MTA2: variants seen among roughly 807,000 people sequenced by gnomAD.
The protein encoded by MTA2 is metastasis associated 1 family member 2, also known as metastasis-associated protein MTA2.
MTA2 carries 22 observed loss-of-function variants against 87.1 expected under a neutral mutation model. That is an observed-to-expected ratio of 0.25 (90% CI 0.18 to 0.36). The LOEUF is 0.36. MTA2 is among the 10% of genes least tolerant of loss of function. MTA2 has a pLI of 1.00. For synonymous variants in MTA2, 314 were observed against 310.1 expected (o/e 1.01, Z -0.13); for missense variants, 542 against 853.2 (o/e 0.64, Z 4.54).
intron 2 of MTA2, 139 bp downstream of exon 2, chr11:62,600,483 G>C (rs1013719949): frequency 6.6e-6 from 6 of 905,214 alleles, no homozygotes; most frequent in Non-Finnish European, 1.0e-5. Flanking sequence ...CCTCTCAATA[G>C]CCTTTCCTGA....
chr11:62,597,954 G>C (rs112991644), intron 6 of MTA2, 70 bp downstream of exon 6: 17 of 1,358,262 alleles, frequency 1.3e-5, no homozygotes, highest in Non-Finnish European at 1.7e-5. Flanking sequence ...CATTCACAGA[G>C]ACTATAATGT....
rs751390598 is a variant in MTA2 at position 62,596,829 on chromosome 11, T to C, written c.694-4A>G. On this transcript the variant is annotated splice_region_variant and splice_polypyrimidine_tract_variant and intron_variant, in intron 8 of 17. Coordinates refer to ENST00000278823, the MANE Select transcript of MTA2 (RefSeq NM_004739.4). The stretch of plus-strand genomic sequence containing the variant: ...GCAAGGTATCCATGGCGTGAAACTA[T>C]GGGGAAGATGGAGAGCAACTGAGGA... 6.3e-7 allele frequency: 1 copy of C among 1,591,728 alleles called. No homozygotes were observed. The highest frequency in any genetic ancestry group is 8.5e-7 in the Non-Finnish European group (1 of 1,169,704).
rs774919067 is a variant in MTA2 at position 62,595,159 on chromosome 11, T to A, written c.1484-89A>T. 27 of 1,545,346 alleles carry A rather than the reference T, an allele frequency of 1.7e-5. No individual in the cohort carries two copies. Among genetic ancestry groups the A allele is most frequent in the Non-Finnish European group, 2.4e-5 (27 of 1,126,010 alleles). ...GCCAACTCTAATCTTAAAAAAATTA[T>A]CTGTGGCCTACTATCCCTCCTGTTA... On this transcript the variant is annotated intron_variant, in intron 14 of 17. Transcript: ENST00000278823. This position sits in a 1 kb window ranked among gnomAD's most constrained non-coding sequence, Gnocchi z 4.9.
chr11:62,596,410 G>A lies in MTA2; in HGVS notation c.957+48C>T, dbSNP rs369957788. 150 of 1,612,778 alleles carry A rather than the reference G, an allele frequency of 9.3e-5. 1 individual carries two copies. The South Asian group carries it at 1.5e-3, about 16-fold the overall frequency. ...GAGAATGTCATCAACTTCAAAGGCAGAGGTCAGCAGGTAGCCTATGGTCCA... is the reference window on the plus strand; with the variant it reads ...GAGAATGTCATCAACTTCAAAGGCAAAGGTCAGCAGGTAGCCTATGGTCCA... On this transcript the variant is annotated intron_variant, in intron 10 of 17. Coordinates refer to ENST00000278823, the MANE Select transcript of MTA2 (RefSeq NM_004739.4).
Position 62,595,304 on chromosome 11 carries a change from C to T in MTA2, c.1443G>A (p.Arg481=). 1 of 1,614,248 alleles carries T rather than the reference C, an allele frequency of 6.2e-7. No individual in the cohort carries two copies. The highest frequency in any genetic ancestry group is 8.5e-7 in the Non-Finnish European group (1 of 1,180,044). ...DLLQPRRAAR[R]PYAPINANAI... ...CATTGGCATTGATAGGAGCATAAGG[C>T]CGTCGGGCGGCCCTCCTTGGCTGTA... Residue 481 remains arginine (R), a synonymous_variant, in exon 14 of 18, where the codon CGG becomes CGA. Transcript: ENST00000278823. This position sits in a 1 kb window ranked among gnomAD's most constrained non-coding sequence, Gnocchi z 4.9.
chr11:62,598,408 G>A lies in MTA2; in HGVS notation c.309-18C>T, dbSNP rs750252117. 2 of 1,613,476 alleles carry A rather than the reference G, an allele frequency of 1.2e-6. No homozygotes were observed. The highest frequency in any genetic ancestry group is 1.7e-6 in the Non-Finnish European group (2 of 1,179,608). ...ATTTCCCCCTATAGGAGAGAGATTG[G>A]AAAACCCCGGTGAGCCCCACTCTCC... is the stretch of plus-strand genomic sequence containing the variant. On this transcript the variant is annotated intron_variant, in intron 4 of 17. Transcript: ENST00000278823.
chr11:62,595,410 A>C lies in MTA2; in HGVS notation c.1337T>G (p.Leu446Arg). 6.2e-7 allele frequency: 1 copy of C among 1,614,240 alleles called. No individual in the cohort carries two copies. The highest frequency in any genetic ancestry group is 1.1e-5 in the South Asian group (1 of 91,090). ...GAAAGTTTGTCTGTTCTTAGCCAGT[A>C]GCTTGGCCCTGTTGGCGCTGGTTGT... ...PYTTSANRAK[L>R]LAKNRQTFLL... The change falls in exon 14 of 18, where the codon CTA becomes CGA. Residue 446 changes from leucine to arginine, a missense_variant. Coordinates refer to ENST00000278823, the MANE Select transcript of MTA2 (RefSeq NM_004739.4). The surrounding 1 kb of genome is among the most constrained non-coding windows in gnomAD (Gnocchi z 4.9).
chr11:62,594,824 G>C (rs561986617), intron 15 of MTA2, among the ~76,000 whole-genome samples, 157 bp downstream of exon 15: 10 of 152,168 alleles, frequency 6.6e-5, no homozygotes, highest in African/African-American at 2.4e-4. Flanking sequence ...CAGTAATACT[G>C]AATAGTTTAC....
At position 62,601,589 on chromosome 11, in the gene MTA2, C is replaced by A; in HGVS notation, c.-139G>T. On this transcript the variant is annotated 5_prime_UTR_variant, in exon 1 of 18. Transcript: ENST00000278823. The stretch of plus-strand genomic sequence containing the variant: ...ACTGGGGCCCGCGCAGCCGGCACCT[C>A]CGCTGCCTCAGCCGTCGCGGTTCAT... The A allele has an allele frequency of 1.0e-6, 1 of 990,682 alleles. No homozygotes were observed. The highest frequency in any genetic ancestry group is 3.1e-5 in the Admixed American group (1 of 32,596). 61.4% of individuals were successfully genotyped at this position (990,682 alleles called of 1,614,324 possible).
In MTA2 at chr11:62,595,671, G is replaced by C; in HGVS notation, c.1254+81C>G. On this transcript the variant is annotated intron_variant, in intron 13 of 17. Coordinates refer to ENST00000278823, the MANE Select transcript of MTA2 (RefSeq NM_004739.4). The surrounding 1 kb of genome is among the most constrained non-coding windows in gnomAD (Gnocchi z 4.9). Reference sequence around the variant, plus strand: ...CCATCAAACCATCACCATATAAAGAGTTGAATATTCTGGCCTTCACCTAAG... The same window carrying C: ...CCATCAAACCATCACCATATAAAGACTTGAATATTCTGGCCTTCACCTAAG... The C allele has an allele frequency of 6.3e-7, 1 of 1,578,152 alleles. No individual in the cohort carries two copies.
At position 62,601,810 on chromosome 11, in the gene MTA2, TCAGGGTTCGCCTCC is replaced by T; in HGVS notation, c.-374_-361del. On this transcript the variant is annotated 5_prime_UTR_variant, in exon 1 of 18. Coordinates refer to ENST00000278823, the MANE Select transcript of MTA2 (RefSeq NM_004739.4). ...GCAGGGAAGGCTTGCCGGGCCCGCCTCAGGGTTCGCCTCCTTCCGGAACACCTTCGGCCGATCCG... is the reference window on the plus strand; with the variant it reads ...GCAGGGAAGGCTTGCCGGGCCCGCCTTTCCGGAACACCTTCGGCCGATCCG... 2.0e-6 allele frequency: 1 copy of T among 500,770 alleles called. No homozygotes were observed. Among genetic ancestry groups the T allele is most frequent in the Non-Finnish European group, 3.5e-6 (1 of 287,728 alleles). 31.0% of individuals were successfully genotyped at this position (500,770 alleles called of 1,614,324 possible).
chr11:62,596,187 C>T (rs1942095873), intron 11 of MTA2, 80 bp from the exon 12 acceptor site: 3 of 1,594,154 alleles, frequency 1.9e-6, no homozygotes, highest in Admixed American at 1.7e-5. Context: ...TCAGTGTGCC[C>T]CTACCTCCTG....
intron 3 of MTA2, among the ~76,000 whole-genome samples, chr11:62,599,933 C>T (rs537121241): frequency 1.6e-4 from 25 of 152,306 alleles, no homozygotes; most frequent in African/African-American, 5.8e-4. Flanking sequence ...TAAATGTTAT[C>T]ATCTCTCTCT....
Position 62,595,281 on chromosome 11 carries a change from T to C in MTA2, c.1466A>G (p.Asn489Ser), listed in dbSNP as rs369556655. 84 of 1,614,080 alleles carry C rather than the reference T, an allele frequency of 5.2e-5. No individual in the cohort carries two copies. Among genetic ancestry groups the C allele is most frequent in the Middle Eastern group, 4.9e-4 (3 of 6,084 alleles). ...ARRPYAPINA[N>S]AIKAECSIRL... ...GCCCTTACACTCTGCTTTGATGGCA[T>C]TGGCATTGATAGGAGCATAAGGCCG... Residue 489 changes from asparagine (N) to serine (S), a missense_variant, in exon 14 of 18, where the codon AAT becomes AGT. Asn to Ser is a conservative substitution (Grantham distance 46). Coordinates refer to ENST00000278823, the MANE Select transcript of MTA2 (RefSeq NM_004739.4). This position sits in a 1 kb window ranked among gnomAD's most constrained non-coding sequence, Gnocchi z 4.9.
intron 8 of MTA2, 52 bp from the exon 9 acceptor site, chr11:62,596,877 C>T: frequency 6.5e-7 from 1 of 1,539,460 alleles, no homozygotes; most frequent in Non-Finnish European, 8.8e-7. Context: ...GGCACCACTC[C>T]CTTCCTGCTC....
Position 62,593,350 on chromosome 11 carries a change from G to A in MTA2, c.*525C>T, listed in dbSNP as rs1268370804. ...GGGAGGGGAGGGAAGGAAAGAGCGA[G>A]CGTGGCCTGGGGTTGATGCCAGCTT... On this transcript the variant is annotated 3_prime_UTR_variant, in exon 18 of 18. Transcript: ENST00000278823. 1.3e-5 allele frequency: 2 copies of A among 151,282 alleles called. No homozygotes were observed. Among genetic ancestry groups the A allele is most frequent in the South Asian group, 2.1e-4 (1 of 4,814 alleles). 9.4% of individuals were successfully genotyped at this position (151,282 alleles called of 1,614,324 possible). A position where few individuals can be genotyped will look rare whatever the true frequency, so the allele number is the denominator to read the frequency against.
Position 62,595,385 on chromosome 11 carries a change from G to A in MTA2, c.1362C>T (p.Phe454=), listed in dbSNP as rs752466296. 1.9e-6 allele frequency: 3 copies of A among 1,614,088 alleles called. No individual in the cohort carries two copies. Among genetic ancestry groups the A allele is most frequent in the African/African-American group, 2.7e-5 (2 of 74,918 alleles). Residue 454 remains phenylalanine (F), a synonymous_variant, in exon 14 of 18, where the codon TTC becomes TTT. Coordinates refer to ENST00000278823, the MANE Select transcript of MTA2 (RefSeq NM_004739.4). The surrounding 1 kb of genome is among the most constrained non-coding windows in gnomAD (Gnocchi z 4.9). The part of the protein sequence containing the change: ...AKLLAKNRQT[F]LLQTTKLTRL... ...GGGTCAGCTTTGTGGTCTGAAGCAG[G>A]AAAGTTTGTCTGTTCTTAGCCAGTA... is the stretch of plus-strand genomic sequence containing the variant.
Position 62,594,637 on chromosome 11 carries a change from G to A in MTA2, c.1574-3C>T. ...TGGTTTCAGGGGTGCCTGGGCCACT[G>A]GAAAAAAACAGAAAACTTTCGCACC... On this transcript the variant is annotated splice_polypyrimidine_tract_variant and splice_region_variant and intron_variant, in intron 15 of 17. Coordinates refer to ENST00000278823, the MANE Select transcript of MTA2 (RefSeq NM_004739.4). 1.2e-6 allele frequency: 2 copies of A among 1,611,700 alleles called. No homozygotes were observed. Among genetic ancestry groups the A allele is most frequent in the South Asian group, 2.2e-5 (2 of 90,742 alleles).
At chr11:62,597,907 C>G in intron 6 of MTA2, 117 bp downstream of exon 6, 1 of 1,058,030 alleles carries the variant, frequency 9.5e-7, no homozygotes, top group East Asian at 2.4e-5. Flanking sequence ...TGGCAGAGAG[C>G]CCTGCAGACA....
Sources: allele counts gnomAD v4.1 joint callset (sites outside exome capture counted in the v4.1 genomes callset), GRCh38; gene constraint gnomAD v4.1.1; non-coding constraint Gnocchi (gnomAD v3.1); transcripts MANE v1.5; gene names NCBI Gene and HGNC (gene_info 2026-07-23, HGNC 2026-07-21).